USH2A: variants seen among roughly 807,000 people sequenced by gnomAD.
The protein encoded by USH2A is usherin.
USH2A carries 443 observed loss-of-function variants against 538.9 expected under a neutral mutation model. The ratio of observed to expected loss-of-function variants is 0.82; its 90% CI spans 0.76 to 0.89. The LOEUF (loss-of-function observed/expected upper bound fraction) is 0.89, where lower values mean the gene tolerates loss of function less well. Among genes scored for constraint, USH2A ranks in the 40% least tolerant of loss-of-function variants. USH2A has a pLI of 0.00. For missense variants in USH2A, 6,633 were observed against 6,324.8 expected (o/e 1.05, Z -1.65); for synonymous variants, 2,413 against 2,273.5 (o/e 1.06, Z -1.75).
chr1:215,939,590 GA>G (rs1459798024), intron 37 of USH2A, among the ~76,000 whole-genome samples: 1 of 151,904 alleles, frequency 6.6e-6, no homozygotes. Flanking sequence ...TATTTTTAAG[GA>G]AAAAACAGCA....
At chr1:215,735,973 A>T (rs1030595466) in intron 60 of USH2A, among the ~76,000 whole-genome samples, 1 of 152,180 alleles carries the variant, frequency 6.6e-6, no homozygotes, top group Admixed American at 6.5e-5. Context: ...ATTATCTTTT[A>T]TATTTACTAT....
chr1:215,742,382 C>G (rs1000881986), intron 59 of USH2A, among the ~76,000 whole-genome samples: 3 of 151,596 alleles, frequency 2.0e-5, no homozygotes, highest in African/African-American at 7.3e-5. Context: ...CTTTATTTAG[C>G]AAATGAGTAT....
intron 27 of USH2A, among the ~76,000 whole-genome samples, chr1:216,075,069 A>G (rs558833623): frequency 9.8e-5 from 15 of 152,338 alleles, no homozygotes; most frequent in African/African-American, 3.1e-4. Context: ...AAACATCATA[A>G]AAATTAATTC....
chr1:215,837,361 C>T (rs973407450), intron 47 of USH2A, among the ~76,000 whole-genome samples: 10 of 152,090 alleles, frequency 6.6e-5, no homozygotes, highest in African/African-American at 2.2e-4. Context: ...TTTTCCCAGC[C>T]TCAACTTGAT....
chr1:215,836,480 A>AT (rs370092518), intron 47 of USH2A, among the ~76,000 whole-genome samples: 2,019 of 8,108 alleles, frequency 0.25, 277 homozygotes, highest in Non-Finnish European at 0.4. Context: ...ATATATATAT[A>AT]ATATATATTA....
At chr1:215,682,243 A>C (rs1658258303) in intron 61 of USH2A, among the ~76,000 whole-genome samples, 1 of 152,218 alleles carries the variant, frequency 6.6e-6, no homozygotes, top group Non-Finnish European at 1.5e-5. Context: ...AATAGTAATC[A>C]CCTCTAACAG....
intron 30 of USH2A, among the ~76,000 whole-genome samples, chr1:216,066,813 C>T (rs1250188486): frequency 6.6e-6 from 1 of 152,056 alleles, no homozygotes; most frequent in Non-Finnish European, 1.5e-5. Flanking sequence ...TATCACTCTC[C>T]CATTTCATAG....
chr1:215,825,471 T>A (rs1181129747), intron 47 of USH2A, among the ~76,000 whole-genome samples: 1 of 152,178 alleles, frequency 6.6e-6, no homozygotes, highest in Non-Finnish European at 1.5e-5. Context: ...ACAAGTCAGA[T>A]CAAATTTTTA....
chr1:216,246,722 A>G lies in USH2A; in HGVS notation c.2672T>C (p.Ile891Thr), dbSNP rs555799948. ...CATCTGGCAGTGTTGAAAATTGTCA[A>G]TGGTCAAATTGTACCTGTGAGGCTC... ...QCEPHRYNLT[I>T]DNFQHCQMCE... is the part of the protein sequence containing the mutation. Residue 891 changes from isoleucine to threonine, a missense_variant, in exon 13 of 72, where the codon ATT (isoleucine) becomes ACT (threonine). Ile to Thr is a moderately conservative substitution (Grantham distance 89, BLOSUM62 -1). Coordinates refer to ENST00000307340, the MANE Select transcript of USH2A (RefSeq NM_206933.4). The G allele has an allele frequency of 1.9e-5, 30 of 1,614,150 alleles. 1 individual carries two copies. The South Asian group carries it at 2.7e-4, about 15-fold the overall frequency.
chr1:215,992,707 A>G lies in USH2A; in HGVS notation c.6805+313T>C, dbSNP rs116280453. ...CTTTTAAAAACAGAAAGTCATTGAA[A>G]ATACAATGTCACTCTCACTACGGCA... On this transcript the variant is annotated intron_variant, in intron 35 of 71. Transcript: ENST00000307340. 4.0e-3 allele frequency among the ~76,000 whole-genome samples: 605 copies of G among 152,258 alleles called. 5 individuals are homozygous for G. Among genetic ancestry groups the G allele is most frequent in the African/African-American group, 0.013 (559 of 41,558 alleles).
intron 11 of USH2A, among the ~76,000 whole-genome samples, chr1:216,266,786 C>T (rs1281891177): frequency 6.6e-6 from 1 of 151,744 alleles, no homozygotes; most frequent in Admixed American, 6.6e-5. Context: ...AGATTAATGA[C>T]ATATAGAAAA....
intron 30 of USH2A, among the ~76,000 whole-genome samples, chr1:216,067,268 G>A (rs1379582622): frequency 1.3e-5 from 2 of 152,154 alleles, no homozygotes; most frequent in Admixed American, 1.3e-4. Context: ...TCGAGCGGTG[G>A]AGGGTGTGTG....
chr1:216,135,166 T>TCA (rs1428367157), intron 21 of USH2A, among the ~76,000 whole-genome samples: 1,425 of 90,196 alleles, frequency 0.016, 25 homozygotes, highest in African/African-American at 0.076. Context: ...TCTCTCTCTC[T>TCA]CACACACACA....
intron 60 of USH2A, among the ~76,000 whole-genome samples, chr1:215,737,789 T>G (rs1254787569): frequency 6.6e-6 from 1 of 152,050 alleles, no homozygotes; most frequent in Non-Finnish European, 1.5e-5. Context: ...TCGTCTTTTC[T>G]TAGTTAATTC....
chr1:215,746,774 C>G (rs1391306332), intron 58 of USH2A, among the ~76,000 whole-genome samples: 1 of 152,212 alleles, frequency 6.6e-6, no homozygotes, highest in East Asian at 1.9e-4. Flanking sequence ...AAATTGGTTT[C>G]CTTATATATC....
intron 9 of USH2A, among the ~76,000 whole-genome samples, chr1:216,296,974 C>CATACTCTCATTTGATGAGT (rs778959670): frequency 5.9e-5 from 9 of 151,748 alleles, no homozygotes; most frequent in Non-Finnish European, 1.2e-4. Flanking sequence ...ACATCAAATG[C>CATACTCTCATTTGATGAGT]ATACTCTCAT....
At chr1:216,282,201 G>A (rs115261958) in intron 11 of USH2A, among the ~76,000 whole-genome samples, 1,563 of 151,824 alleles carry the variant, frequency 0.01, 26 homozygotes, top group African/African-American at 0.036. Context: ...TCACTTTCTT[G>A]TTGGTGTGCT....
chr1:215,914,686 T>C (rs1179281219), intron 38 of USH2A, among the ~76,000 whole-genome samples: 3 of 152,132 alleles, frequency 2.0e-5, no homozygotes, highest in Non-Finnish European at 4.4e-5. Context: ...AGCCAGAACA[T>C]GCAGTAAGTG....
At position 216,323,704 on chromosome 1, in the gene USH2A, G is replaced by A; in HGVS notation, c.1329-9C>T. 1 of 1,612,306 alleles carries A rather than the reference G, an allele frequency of 6.2e-7. No individual in the cohort carries two copies. The highest frequency in any genetic ancestry group is 1.1e-5 in the South Asian group (1 of 90,996). On this transcript the variant is annotated splice_polypyrimidine_tract_variant and intron_variant, in intron 7 of 71. Transcript: ENST00000307340. The stretch of plus-strand genomic sequence containing the variant: ...GGGAATATGGAGTAAAACTGTTAAT[G>A]AAAGAAATTCGATGTCATGAAAATC...
Sources: allele counts gnomAD v4.1 joint callset (sites outside exome capture counted in the v4.1 genomes callset), GRCh38; gene constraint gnomAD v4.1.1; transcripts MANE v1.5; gene names NCBI Gene and HGNC (gene_info 2026-07-23, HGNC 2026-07-21).